Variants in RIMS1 observed in about 807,000 individuals in gnomAD.
RIMS1 encodes regulating synaptic membrane exocytosis 1, also known as regulating synaptic membrane exocytosis protein 1.
In RIMS1, 83 loss-of-function variants were observed where a neutral mutation model predicts 214.1. The ratio of observed to expected loss-of-function variants is 0.39; its 90% CI spans 0.32 to 0.47. RIMS1 has a LOEUF of 0.47. RIMS1 is among the 20% of genes least tolerant of loss of function. RIMS1 has a pLI of 0.99. For synonymous variants in RIMS1, 793 were observed against 786.8 expected, an observed-to-expected ratio of 1.01 and a Z score of -0.13; for missense variants, 2,050 against 2,161.8, an observed-to-expected ratio of 0.95 and a Z score of 1.03.
chr6:72,188,769 C>G (rs564456119), intron 6 of RIMS1, among the ~76,000 whole-genome samples: 17 of 152,284 alleles, frequency 1.1e-4, no homozygotes, highest in Admixed American at 7.8e-4. Flanking sequence ...TTCCATTTAC[C>G]TCAATCACAG....
At chr6:72,182,206 C>A in intron 5 of RIMS1, 78 bp from the exon 6 acceptor site, 1 of 1,408,456 alleles carries the variant, frequency 7.1e-7, no homozygotes, top group South Asian at 1.5e-5. Flanking sequence ...TGATTTAAGA[C>A]TGGAATGAGA....
intron 1 of RIMS1, among the ~76,000 whole-genome samples, chr6:71,935,429 G>T (rs2150952951): frequency 6.6e-6 from 1 of 152,178 alleles, no homozygotes; most frequent in Non-Finnish European, 1.5e-5. Flanking sequence ...CATATGTGTT[G>T]TTTTCATTTT....
At chr6:72,398,466 AAAG>A (rs1346557858) in intron 32 of RIMS1, 116 bp downstream of exon 32, 8 of 623,100 alleles carry the variant, frequency 1.3e-5, no homozygotes, top group African/African-American at 5.6e-5. Context: ...ATTGATTAAA[AAAG>A]CAGTGTTTCT....
chr6:71,970,225 GT>G (rs532547863), intron 2 of RIMS1, among the ~76,000 whole-genome samples: 7 of 152,164 alleles, frequency 4.6e-5, no homozygotes, highest in Middle Eastern at 3.4e-3. Flanking sequence ...ATTTTAAAAA[GT>G]ACAAACTTGG....
intron 22 of RIMS1, 89 bp from the exon 23 acceptor site, chr6:72,274,260 C>G: frequency 1.2e-6 from 1 of 837,168 alleles, no homozygotes; most frequent in Non-Finnish European, 1.9e-6. Flanking sequence ...TTATGGGGTG[C>G]TTTTCCAGTC....
At chr6:72,221,384 ACTT>A (rs1039703018) in intron 6 of RIMS1, among the ~76,000 whole-genome samples, 2 of 151,482 alleles carry the variant, frequency 1.3e-5, no homozygotes, top group African/African-American at 4.8e-5. Flanking sequence ...GAACCATAGA[ACTT>A]CTTGGTAATA....
intron 4 of RIMS1, among the ~76,000 whole-genome samples, chr6:72,103,921 A>C (rs2153812219): frequency 6.6e-6 from 1 of 152,252 alleles, no homozygotes; most frequent in Non-Finnish European, 1.5e-5. Flanking sequence ...ATCTCCAATG[A>C]TTCAGTCTGT....
intron 2 of RIMS1, among the ~76,000 whole-genome samples, chr6:72,071,346 G>A (rs1830539327): frequency 6.6e-6 from 1 of 152,144 alleles, no homozygotes; most frequent in South Asian, 2.1e-4. Context: ...GCAGCAGTGA[G>A]CCCTGATTAC....
intron 2 of RIMS1, among the ~76,000 whole-genome samples, chr6:72,033,163 C>T (rs948762712): frequency 6.6e-6 from 1 of 152,158 alleles, no homozygotes; most frequent in African/African-American, 2.4e-5. Flanking sequence ...TCTTTGTATT[C>T]TTTGTTCACC....
At chr6:72,210,347 A>G (rs1334309217) in intron 6 of RIMS1, among the ~76,000 whole-genome samples, 1 of 152,198 alleles carries the variant, frequency 6.6e-6, no homozygotes, top group African/African-American at 2.4e-5. Context: ...AAATGTCCTC[A>G]ATGCAGGACT....
At chr6:72,214,713 T>A (rs746976743) in intron 6 of RIMS1, among the ~76,000 whole-genome samples, 1 of 152,110 alleles carries the variant, frequency 6.6e-6, no homozygotes, top group Non-Finnish European at 1.5e-5. Context: ...TAGGCTTATA[T>A]GATTCATGCA....
intron 29 of RIMS1, among the ~76,000 whole-genome samples, chr6:72,355,292 A>G (rs2097585781): frequency 6.6e-6 from 1 of 152,170 alleles, no homozygotes; most frequent in Non-Finnish European, 1.5e-5. Context: ...CCCTGTAAGT[A>G]TTACAATTTA....
intron 2 of RIMS1, among the ~76,000 whole-genome samples, chr6:72,045,413 G>A (rs1822711924): frequency 6.6e-6 from 1 of 151,784 alleles, no homozygotes; most frequent in South Asian, 2.1e-4. Flanking sequence ...TCTAAGACCT[G>A]AAGAAAACAA....
chr6:72,235,246 A>G lies in RIMS1; in HGVS notation c.1747-372A>G, dbSNP rs145575956. Among the ~76,000 whole-genome samples, 1,094 of 152,094 alleles carry G rather than the reference A, an allele frequency of 7.2e-3. 5 individuals are homozygous for G. The highest frequency in any genetic ancestry group is 0.017 in the Middle Eastern group (5 of 294). On this transcript the variant is annotated intron_variant, in intron 7 of 33. Transcript: ENST00000521978. ...CCTCCTTCTAGCTTTTGGAAACTAT[A>G]TATTATTAACTATAGTCATCCTATA...
chr6:72,071,556 A>G (rs922421169), intron 2 of RIMS1, among the ~76,000 whole-genome samples: 1 of 152,194 alleles, frequency 6.6e-6, no homozygotes, highest in Non-Finnish European at 1.5e-5. Context: ...TGTTTGCATA[A>G]ATAAAACAAC....
At chr6:72,262,136 C>G in intron 19 of RIMS1, 1 of 983,110 alleles carries the variant, frequency 1.0e-6, no homozygotes, top group Non-Finnish European at 1.2e-6. Flanking sequence ...GTGAATATTT[C>G]TAGGATACTC....
At chr6:71,950,424 A>G (rs1341226287) in intron 1 of RIMS1, among the ~76,000 whole-genome samples, 1 of 152,188 alleles carries the variant, frequency 6.6e-6, no homozygotes, top group African/African-American at 2.4e-5. Context: ...TAAGAACACC[A>G]GAAACTAGTC....
At chr6:72,222,153 A>G (rs1478748674) in intron 6 of RIMS1, among the ~76,000 whole-genome samples, 2 of 152,080 alleles carry the variant, frequency 1.3e-5, no homozygotes, top group Non-Finnish European at 2.9e-5. Flanking sequence ...TTCAAATGGT[A>G]ATTTTAATTT....
intron 6 of RIMS1, among the ~76,000 whole-genome samples, chr6:72,195,260 A>G (rs746599513): frequency 3.3e-5 from 5 of 152,152 alleles, no homozygotes; most frequent in South Asian, 2.1e-4. Flanking sequence ...GTACAACACA[A>G]ATTAATTATG....
Sources: allele counts gnomAD v4.1 joint callset (sites outside exome capture counted in the v4.1 genomes callset), GRCh38; gene constraint gnomAD v4.1.1; transcripts MANE v1.5; gene names NCBI Gene and HGNC (gene_info 2026-07-23, HGNC 2026-07-21).